ANK3: variants seen among roughly 807,000 people sequenced by gnomAD.
ANK3 encodes ankyrin 3.
Under a neutral mutation model 370.9 loss-of-function variants are expected in ANK3, and 57 were observed. That is an observed-to-expected ratio of 0.15 (90% CI 0.12 to 0.19). The LOEUF (loss-of-function observed/expected upper bound fraction) is 0.19, where lower values mean the gene tolerates loss of function less well. Ranked by LOEUF, ANK3 falls within the 10% of genes least tolerant of loss-of-function variation. The probability of loss-of-function intolerance (pLI) is 1.00; values close to 1 mark genes in which losing one functional copy is unlikely to be tolerated. For synonymous variants in ANK3, 1,929 were observed against 1,946.3 expected (o/e 0.99, Z 0.23); for missense variants, 4,439 against 5,302.1 (o/e 0.84, Z 5.06).
chr10:60,030,868 T>C (rs1286909242), intron 43 of ANK3, among the ~76,000 whole-genome samples: 2 of 152,202 alleles, frequency 1.3e-5, no homozygotes, highest in Admixed American at 6.5e-5. Context: ...TTAGACTGTG[T>C]TGGGAAGACC....
intron 25 of ANK3, among the ~76,000 whole-genome samples, chr10:60,132,097 G>C (rs1400987504): frequency 6.6e-6 from 1 of 152,066 alleles, no homozygotes. Context: ...GAAAAGAGCA[G>C]GATTACAGAC....
chr10:60,290,417 C>T (rs1048159512), intron 1 of ANK3, among the ~76,000 whole-genome samples: 20 of 151,142 alleles, frequency 1.3e-4, no homozygotes, highest in Non-Finnish European at 7.4e-5. Flanking sequence ...TTTTACTTAA[C>T]TGTTATCCAG....
intron 1 of ANK3, among the ~76,000 whole-genome samples, chr10:60,291,580 T>C (rs866720667): frequency 1.3e-5 from 2 of 152,046 alleles, no homozygotes; most frequent in Non-Finnish European, 2.9e-5. Context: ...TATTATGCAA[T>C]GCACAAATGC....
intron 1 of ANK3, among the ~76,000 whole-genome samples, chr10:60,621,724 T>C (rs943058312): frequency 6.6e-5 from 10 of 152,166 alleles, no homozygotes; most frequent in Middle Eastern, 3.2e-3. Context: ...ATCATCTATG[T>C]TTTTTTCAAG....
chr10:60,294,159 G>GTT (rs11398125), intron 1 of ANK3, among the ~76,000 whole-genome samples: 1 of 148,752 alleles, frequency 6.7e-6, no homozygotes, highest in African/African-American at 2.5e-5. Context: ...TTTCCCAACA[G>GTT]TTTTTTTTTT....
intron 2 of ANK3, among the ~76,000 whole-genome samples, chr10:60,455,913 A>G (rs1339522996): frequency 6.6e-6 from 1 of 152,220 alleles, no homozygotes; most frequent in East Asian, 1.9e-4. Flanking sequence ...GAAGGTATGT[A>G]CAATGAGATT....
intron 1 of ANK3, among the ~76,000 whole-genome samples, chr10:60,295,531 G>A (rs1197992560): frequency 6.6e-6 from 1 of 152,090 alleles, no homozygotes; most frequent in Non-Finnish European, 1.5e-5. Context: ...AACATACAGG[G>A]ACTGAACCCA....
At chr10:60,469,221 GCATA>G (rs368387383) in intron 2 of ANK3, among the ~76,000 whole-genome samples, 1 of 1,826 alleles carries the variant, frequency 5.5e-4, no homozygotes, top group African/African-American at 2.0e-3. Context: ...CACTTTTAGT[GCATA>G]TATATATATA....
intron 1 of ANK3, among the ~76,000 whole-genome samples, chr10:60,654,881 C>T (rs79232175): frequency 0.043 from 6,536 of 152,218 alleles, 180 homozygotes; most frequent in Middle Eastern, 0.075. Flanking sequence ...CAGTCATACA[C>T]TGCACGTTGA....
In ANK3 at chr10:60,583,290, T is replaced by C. The variant is rs562960873; in HGVS notation, c.96+31896A>G. ...GAAATACTATGAGATCTCACTCATA[T>C]GTAGAATCTAAAAAGTTATTCTCAT... is the stretch of plus-strand genomic sequence containing the variant. On this transcript the variant is annotated intron_variant, in intron 2 of 43. Transcript: ENST00000373827. Among the ~76,000 whole-genome samples the C allele has an allele frequency of 1.2e-4, 19 of 152,276 alleles. 1 individual carries two copies. Among genetic ancestry groups the C allele is most frequent in the Middle Eastern group, 3.4e-3 (1 of 294 alleles).
At chr10:60,173,713 T>C (rs980468048) in intron 18 of ANK3, among the ~76,000 whole-genome samples, 13 of 152,084 alleles carry the variant, frequency 8.5e-5, no homozygotes, top group African/African-American at 3.1e-4. Context: ...GTCTGAGAAG[T>C]ATGAACTTGA....
chr10:60,551,506 T>A (rs1360771485), intron 2 of ANK3, among the ~76,000 whole-genome samples: 1 of 152,198 alleles, frequency 6.6e-6, no homozygotes, highest in Non-Finnish European at 1.5e-5. Context: ...AACAATACTA[T>A]TAAGTTTCTT....
At position 60,186,816 on chromosome 10, in the gene ANK3, G is replaced by A. The variant is rs201236502; in HGVS notation, c.1984C>T (p.Arg662Trp). The change falls in exon 17 of 44, where the codon CGG (arginine) becomes TGG (tryptophan). Residue 662 changes from arginine (R) to tryptophan (W), a missense_variant. Transcript: ENST00000280772. Reference protein sequence around the residue: ...EYGADANAVTRQGIASVHLAA... With the variant: ...EYGADANAVTWQGIASVHLAA... ...AGATGGACGGAAGCAATTCCTTGCC[G>A]GGTAACTGCGTTGGCATCAGCACCA... 21 of 1,614,024 alleles carry A rather than the reference G, an allele frequency of 1.3e-5. No individual in the cohort carries two copies. Among genetic ancestry groups the A allele is most frequent in the East Asian group, 2.2e-5 (1 of 44,892 alleles).
intron 1 of ANK3, among the ~76,000 whole-genome samples, chr10:60,727,580 A>G (rs2132031951): frequency 6.6e-6 from 1 of 152,318 alleles, no homozygotes; most frequent in East Asian, 1.9e-4. Context: ...AAAGGTGATA[A>G]TTAGACATGT....
chr10:60,317,149 G>GTACTTTGTA (rs2132873489), intron 1 of ANK3, among the ~76,000 whole-genome samples: 1 of 151,794 alleles, frequency 6.6e-6, no homozygotes, highest in African/African-American at 2.4e-5. Flanking sequence ...TAGGTTTCAA[G>GTACTTTGTA]TACTTTGTAT....
At chr10:60,132,413 T>C (rs1178244781) in intron 25 of ANK3, among the ~76,000 whole-genome samples, 1 of 152,074 alleles carries the variant, frequency 6.6e-6, no homozygotes, top group Non-Finnish European at 1.5e-5. Context: ...CAAGATCTGA[T>C]GGTTTTATAA....
chr10:60,434,948 C>T (rs1015091419), intron 2 of ANK3, among the ~76,000 whole-genome samples: 2 of 152,086 alleles, frequency 1.3e-5, no homozygotes, highest in Non-Finnish European at 2.9e-5. Flanking sequence ...ATGTATAAGG[C>T]TCTGTGAAAA....
intron 2 of ANK3, among the ~76,000 whole-genome samples, chr10:60,477,508 G>T (rs1366226982): frequency 3.4e-5 from 4 of 116,472 alleles, no homozygotes; most frequent in Admixed American, 9.0e-5. Context: ...CTGACAGACA[G>T]ACAGACATAC....
chr10:60,378,544 T>C (rs2061114371), intron 1 of ANK3, among the ~76,000 whole-genome samples: 1 of 152,146 alleles, frequency 6.6e-6, no homozygotes, highest in Admixed American at 6.5e-5. Context: ...TTAATCCACA[T>C]ATCTACAGCC....
Sources: allele counts gnomAD v4.1 joint callset (sites outside exome capture counted in the v4.1 genomes callset), GRCh38; gene constraint gnomAD v4.1.1; transcripts MANE v1.5; gene names NCBI Gene and HGNC (gene_info 2026-07-23, HGNC 2026-07-21).